Variants in AMER1 observed in about 807,000 individuals in gnomAD.
AMER1 encodes RP11-403E24.2.
In AMER1, 16 loss-of-function variants were observed where a neutral mutation model predicts 53.0. The ratio of observed to expected loss-of-function variants is 0.30; its 90% CI spans 0.20 to 0.46. AMER1 has a LOEUF of 0.46. AMER1 is among the 20% of genes least tolerant of loss of function. The pLI is 1.00. For synonymous variants in AMER1, 354 were observed against 331.9 expected (o/e 1.07, Z -0.73); for missense variants, 947 against 884.9 (o/e 1.07, Z -0.89).
In AMER1 at chrX:64,186,448, T is replaced by C; in HGVS notation, c.*3431A>G. On this transcript the variant is annotated 3_prime_UTR_variant, in exon 2 of 2. Coordinates refer to ENST00000374869, the MANE Select transcript of AMER1 (RefSeq NM_152424.4). ...CTTTTGATATATATATATATATATATTAAAAACAACTTGAATGCAACATAC... is the reference window on the plus strand; with the variant it reads ...CTTTTGATATATATATATATATATACTAAAAACAACTTGAATGCAACATAC... 2.3e-5 allele frequency: 17 copies of C among 736,558 alleles called. No individual in the cohort carries two copies. Among genetic ancestry groups the C allele is most frequent in the Non-Finnish European group, 2.8e-5 (17 of 610,371 alleles). 60.7% of individuals were successfully genotyped at this position (736,558 alleles called of 1,213,427 possible). A position where few individuals can be genotyped will look rare whatever the true frequency, so the allele number is the denominator to read the frequency against.
chrX:64,186,000 A>C lies in AMER1; in HGVS notation c.*3879T>G. The C allele has an allele frequency of 1.5e-6, 1 of 680,127 alleles. No individual in the cohort carries two copies. The highest frequency in any genetic ancestry group is 3.6e-5 in the East Asian group (1 of 27,552). 56.1% of individuals were successfully genotyped at this position (680,127 alleles called of 1,213,427 possible). A position where few individuals can be genotyped will look rare whatever the true frequency, so the allele number is the denominator to read the frequency against. On this transcript the variant is annotated 3_prime_UTR_variant, in exon 2 of 2. Coordinates refer to ENST00000374869, the MANE Select transcript of AMER1 (RefSeq NM_152424.4). ...CACTCTGATTTCAAAACTAAAGCAC[A>C]AAACATAACGAGGAAAAAAAATAAG... is the stretch of plus-strand genomic sequence containing the variant.
In AMER1 at chrX:64,189,793, A is replaced by AGGGGGGGCCCCC; in HGVS notation, c.*85_*86insGGGGGCCCCCCC. ...CAAAGGGTTTTCAAGTTAAACAACA[A>AGGGGGGGCCCCC]CCCCCACCCCCCCACCCTTCTGCCC... On this transcript the variant is annotated 3_prime_UTR_variant, in exon 2 of 2. Transcript: ENST00000374869. 1 of 292,073 alleles carries AGGGGGGGCCCCC rather than the reference A, an allele frequency of 3.4e-6. No homozygotes were observed. The highest frequency in any genetic ancestry group is 4.9e-6 in the Non-Finnish European group (1 of 204,831). 24.1% of individuals were successfully genotyped at this position (292,073 alleles called of 1,213,427 possible). A position where few individuals can be genotyped will look rare whatever the true frequency, so the allele number is the denominator to read the frequency against.
At chrX:64,200,303 G>A (rs1360497728) in intron 1 of AMER1, among the ~76,000 whole-genome samples, 1 of 112,147 alleles carries the variant, frequency 8.9e-6, no homozygotes. Context: ...ATGTGACAGA[G>A]CAGCCAAGGA....
At position 64,189,717 on chromosome X, in the gene AMER1, A is replaced by T; in HGVS notation, c.*162T>A. 1 of 1,106,513 alleles carries T rather than the reference A, an allele frequency of 9.0e-7. No homozygotes were observed. Among genetic ancestry groups the T allele is most frequent in the South Asian group, 2.3e-5 (1 of 44,356 alleles). 91.2% of individuals were successfully genotyped at this position (1,106,513 alleles called of 1,213,427 possible). A position where few individuals can be genotyped will look rare whatever the true frequency, so the allele number is the denominator to read the frequency against. On this transcript the variant is annotated 3_prime_UTR_variant, in exon 2 of 2. Transcript: ENST00000374869. ...GTTGAACGTGGCCATAGATGGCAGA[A>T]GAGGCAAGTGGGAAAACCAAGGTGA...
At position 64,192,920 on chromosome X, in the gene AMER1, A is replaced by T. The variant is rs2147090702; in HGVS notation, c.367T>A (p.Leu123Ile). 1 of 1,211,419 alleles carries T rather than the reference A, an allele frequency of 8.3e-7. No homozygotes were observed. The highest frequency in any genetic ancestry group is 1.1e-6 in the Non-Finnish European group (1 of 895,453). ...GTGFSLPLPE[L>I]PCQFPSSQSA... ...TGAGAGCTGGGAAATTGGCAGGGTA[A>T]CTCAGGCAAAGGCAGGGAGAAGCCA... Residue 123 changes from leucine (L) to isoleucine (I), a missense_variant, in exon 2 of 2, where the codon TTA becomes ATA. By Grantham distance (5) the Leu-to-Ile change is conservative. Transcript: ENST00000374869.
At position 64,186,430 on chromosome X, in the gene AMER1, T is replaced by G. The variant is rs768052532; in HGVS notation, c.*3449A>C. On this transcript the variant is annotated 3_prime_UTR_variant, in exon 2 of 2. Transcript: ENST00000374869. ...ATAAAAATAGATAATTGACTTTTGATATATATATATATATATATTAAAAAC... is the reference window on the plus strand; with the variant it reads ...ATAAAAATAGATAATTGACTTTTGAGATATATATATATATATATTAAAAAC... The G allele has an allele frequency of 9.1e-5, 34 of 372,966 alleles. No individual in the cohort carries two copies. The highest frequency in any genetic ancestry group is 1.4e-4 in the South Asian group (1 of 7,260). 30.7% of individuals were successfully genotyped at this position (372,966 alleles called of 1,213,427 possible). A position where few individuals can be genotyped will look rare whatever the true frequency, so the allele number is the denominator to read the frequency against.
chrX:64,189,794 C>CCGG lies in AMER1; in HGVS notation c.*84_*85insCCG. 22 of 301,558 alleles carry CCGG rather than the reference C, an allele frequency of 7.3e-5. No individual in the cohort carries two copies. The highest frequency in any genetic ancestry group is 4.0e-4 in the East Asian group (2 of 4,946). 24.9% of individuals were successfully genotyped at this position (301,558 alleles called of 1,213,427 possible). On this transcript the variant is annotated 3_prime_UTR_variant, in exon 2 of 2. Transcript: ENST00000374869. ...AAAGGGTTTTCAAGTTAAACAACAA[C>CCGG]CCCCACCCCCCCACCCTTCTGCCCA...
chrX:64,186,197 A>C lies in AMER1; in HGVS notation c.*3682T>G. ...CTTCTGCTGTCCCTATCATGGGGGG[A>C]GGGAACGGACAGTGTGGTACAGCTA... is the stretch of plus-strand genomic sequence containing the variant. On this transcript the variant is annotated 3_prime_UTR_variant, in exon 2 of 2. Coordinates refer to ENST00000374869, the MANE Select transcript of AMER1 (RefSeq NM_152424.4). 2 of 1,206,854 alleles carry C rather than the reference A, an allele frequency of 1.7e-6. No individual in the cohort carries two copies. The highest frequency in any genetic ancestry group is 1.7e-5 in the African/African-American group (1 of 57,263).
intron 1 of AMER1, among the ~76,000 whole-genome samples, chrX:64,204,617 T>C (rs1353348737): frequency 8.8e-6 from 1 of 113,333 alleles, no homozygotes; most frequent in Non-Finnish European, 1.9e-5. Flanking sequence ...CGTTCCGTAC[T>C]ACAATGAGGG....
chrX:64,201,449 A>ACG lies in AMER1; in HGVS notation c.-99+4120_-99+4121insCG, dbSNP rs1491481347. ...CAGCTGCTCGCAACTCCTTCCCCCAACACACACACACACACACACACACAC... is the reference window on the plus strand; with the variant it reads ...CAGCTGCTCGCAACTCCTTCCCCCAACGCACACACACACACACACACACACAC... On this transcript the variant is annotated intron_variant, in intron 1 of 1. Coordinates refer to ENST00000374869, the MANE Select transcript of AMER1 (RefSeq NM_152424.4). Among the ~76,000 whole-genome samples the ACG allele has an allele frequency of 0.02, 1,088 of 55,551 alleles. 25 individuals carry two copies. In the African/African-American group the frequency reaches 0.26, roughly 13 times the overall value. The allele number at this position is 55,551 out of a possible 115,157, so 48.2% of individuals were successfully genotyped here.
Position 64,189,792 on chromosome X carries a change from A to AGGGGGGGGGG in AMER1, c.*86_*87insCCCCCCCCCC. ...CCAAAGGGTTTTCAAGTTAAACAAC[A>AGGGGGGGGGG]ACCCCCACCCCCCCACCCTTCTGCC... is the stretch of plus-strand genomic sequence containing the variant. On this transcript the variant is annotated 3_prime_UTR_variant, in exon 2 of 2. Transcript: ENST00000374869. The AGGGGGGGGGG allele has an allele frequency of 9.4e-6, 7 of 746,972 alleles. No individual in the cohort carries two copies. The highest frequency in any genetic ancestry group is 1.2e-5 in the Non-Finnish European group (7 of 590,427). The allele number at this position is 746,972 out of a possible 1,213,427, so 61.6% of individuals were successfully genotyped here.
chrX:64,203,701 GGAA>G (rs1462835098), intron 1 of AMER1, among the ~76,000 whole-genome samples: 1 of 111,707 alleles, frequency 9.0e-6, no homozygotes, highest in Admixed American at 9.4e-5. Context: ...GGTTTGAGAA[GGAA>G]GAAGATTTGG....
In AMER1 at chrX:64,191,269, G is replaced by T; in HGVS notation, c.2018C>A (p.Thr673Asn). ...VMGLAAGVSG[T>N]SQISHRGITS... Reference sequence around the variant, plus strand: ...AATTCCCCGGTGGGAAATCTGAGAGGTCCCTGATACCCCTGCTGCCAGGCC... The same window carrying T: ...AATTCCCCGGTGGGAAATCTGAGAGTTCCCTGATACCCCTGCTGCCAGGCC... Residue 673 changes from threonine to asparagine, a missense_variant, in exon 2 of 2, where the codon ACC becomes AAC. By Grantham distance (65) the Thr-to-Asn change is moderately conservative. Transcript: ENST00000374869. 8.3e-7 allele frequency: 1 copy of T among 1,211,435 alleles called. No individual in the cohort carries two copies. Among genetic ancestry groups the T allele is most frequent in the Non-Finnish European group, 1.1e-6 (1 of 895,325 alleles).
At position 64,189,583 on chromosome X, in the gene AMER1, G is replaced by A; in HGVS notation, c.*296C>T. Reference sequence around the variant, plus strand: ...AATCACTAACTTGGCAACTGGAATAGGCACAAAATTACAGCATCCCAAACC... The same window carrying A: ...AATCACTAACTTGGCAACTGGAATAAGCACAAAATTACAGCATCCCAAACC... On this transcript the variant is annotated 3_prime_UTR_variant, in exon 2 of 2. Coordinates refer to ENST00000374869, the MANE Select transcript of AMER1 (RefSeq NM_152424.4). 2.5e-6 allele frequency: 2 copies of A among 792,077 alleles called. No individual in the cohort carries two copies. The highest frequency in any genetic ancestry group is 3.0e-6 in the Non-Finnish European group (2 of 667,788). 65.3% of individuals were successfully genotyped at this position (792,077 alleles called of 1,213,427 possible).
Position 64,191,310 on chromosome X carries a change from T to A in AMER1, c.1977A>T (p.Leu659Phe). ...KPVLEYQMRP[L>F]GPSVMGLAAG... ...CTGCCAGGCCCATCACTGATGGGCC[T>A]AAGGGCCTCATCTGATACTCTAAGA... is the stretch of plus-strand genomic sequence containing the variant. Residue 659 changes from leucine to phenylalanine, a missense_variant, in exon 2 of 2, where the codon TTA becomes TTT. By Grantham distance (22) the Leu-to-Phe change is conservative. Coordinates refer to ENST00000374869, the MANE Select transcript of AMER1 (RefSeq NM_152424.4). 8.3e-7 allele frequency: 1 copy of A among 1,211,568 alleles called. No individual in the cohort carries two copies. Among genetic ancestry groups the A allele is most frequent in the Non-Finnish European group, 1.1e-6 (1 of 895,434 alleles).
rs1428479497 is a variant in AMER1, at chrX:64,185,217, G to C, written c.*4662C>G. On this transcript the variant is annotated 3_prime_UTR_variant, in exon 2 of 2. Transcript: ENST00000374869. ...AGTGCATCAAGATATCCAGATGTCA[G>C]TGAGAGCTAGAAGTGGAGAGGTCAG... 2 of 159,085 alleles carry C rather than the reference G, an allele frequency of 1.3e-5. No individual in the cohort carries two copies. Among genetic ancestry groups the C allele is most frequent in the Non-Finnish European group, 2.4e-5 (2 of 81,695 alleles). The allele number at this position is 159,085 out of a possible 1,213,427, so 13.1% of individuals were successfully genotyped here.
Position 64,186,349 on chromosome X carries a change from AT to A in AMER1, c.*3529del. ...TGTAAACAGCACCGCTTAAAAATAA[AT>A]CAGAAAAGAACAATTGATAAACATT... On this transcript the variant is annotated 3_prime_UTR_variant, in exon 2 of 2. Coordinates refer to ENST00000374869, the MANE Select transcript of AMER1 (RefSeq NM_152424.4). The A allele has an allele frequency of 1.1e-6, 1 of 952,037 alleles. No homozygotes were observed. The highest frequency in any genetic ancestry group is 1.3e-6 in the Non-Finnish European group (1 of 758,869). 78.5% of individuals were successfully genotyped at this position (952,037 alleles called of 1,213,427 possible).
Position 64,187,780 on chromosome X carries a change from G to A in AMER1, c.*2099C>T. The A allele has an allele frequency of 1.3e-6, 1 of 776,768 alleles. No individual in the cohort carries two copies. The highest frequency in any genetic ancestry group is 6.6e-5 in the South Asian group (1 of 15,063). 64.0% of individuals were successfully genotyped at this position (776,768 alleles called of 1,213,427 possible). A position where few individuals can be genotyped will look rare whatever the true frequency, so the allele number is the denominator to read the frequency against. On this transcript the variant is annotated 3_prime_UTR_variant, in exon 2 of 2. Transcript: ENST00000374869. ...CCATCCCAGAGCAGCTTTGGTAAGAGGCCAGAAAGTTGGAATTTGGGCACT... is the reference window on the plus strand; with the variant it reads ...CCATCCCAGAGCAGCTTTGGTAAGAAGCCAGAAAGTTGGAATTTGGGCACT...
At chrX:64,197,002 G>T (rs1334821880) in intron 1 of AMER1, among the ~76,000 whole-genome samples, 1 of 112,456 alleles carries the variant, frequency 8.9e-6, no homozygotes, top group Non-Finnish European at 1.9e-5. Flanking sequence ...TCCTCAATGG[G>T]TTATGCTGCC....
Sources: allele counts gnomAD v4.1 joint callset (sites outside exome capture counted in the v4.1 genomes callset), GRCh38; gene constraint gnomAD v4.1.1; transcripts MANE v1.5; gene names NCBI Gene and HGNC (gene_info 2026-07-23, HGNC 2026-07-21).